SLIT2: variants seen among roughly 807,000 people sequenced by gnomAD.
The protein encoded by SLIT2 is slit guidance ligand 2.
SLIT2 carries 41 observed loss-of-function variants against 185.7 expected under a neutral mutation model. The observed-to-expected ratio is 0.22, with a 90% CI of 0.17 to 0.29. The LOEUF (loss-of-function observed/expected upper bound fraction) is 0.29, where lower values mean the gene tolerates loss of function less well. Among genes scored for constraint, SLIT2 ranks in the 10% least tolerant of loss-of-function variants. The pLI is 1.00. For synonymous variants in SLIT2, 693 were observed against 680.2 expected, an observed-to-expected ratio of 1.02 and a Z score of -0.29; for missense variants, 1,571 against 1,909.0, an observed-to-expected ratio of 0.82 and a Z score of 3.30.
intron 4 of SLIT2, among the ~76,000 whole-genome samples, chr4:20,453,310 C>T (rs1345091701): frequency 6.6e-6 from 1 of 152,132 alleles, no homozygotes; most frequent in South Asian, 2.1e-4. Context: ...ATATAATTCA[C>T]AAATACTATG....
At chr4:20,404,200 A>G (rs1025511214) in intron 4 of SLIT2, among the ~76,000 whole-genome samples, 12 of 151,992 alleles carry the variant, frequency 7.9e-5, no homozygotes, top group African/African-American at 2.9e-4. Context: ...AGAAGCTATT[A>G]CTAGTTTCTA....
chr4:20,463,071 T>C (rs555134256), intron 4 of SLIT2, among the ~76,000 whole-genome samples: 1 of 152,268 alleles, frequency 6.6e-6, no homozygotes, highest in African/African-American at 2.4e-5. Flanking sequence ...ATTTTATAGA[T>C]GAAGCAACTC....
chr4:20,478,390 C>T (rs1402333261), intron 5 of SLIT2, among the ~76,000 whole-genome samples: 8 of 152,226 alleles, frequency 5.3e-5, no homozygotes, highest in African/African-American at 7.2e-5. Context: ...TATGAAGAAG[C>T]GTATAACCAT....
At chr4:20,570,737 A>ATG (rs1553842942) in intron 29 of SLIT2, among the ~76,000 whole-genome samples, 27 of 77,292 alleles carry the variant, frequency 3.5e-4, no homozygotes, top group African/African-American at 1.2e-3. Context: ...ATATGTATAT[A>ATG]TATATATATA....
intron 4 of SLIT2, among the ~76,000 whole-genome samples, chr4:20,328,981 TA>T (rs1719836411): frequency 6.6e-6 from 1 of 151,990 alleles, no homozygotes; most frequent in African/African-American, 2.4e-5. Flanking sequence ...ACAGAGATAT[TA>T]ATTCATGGTG....
intron 4 of SLIT2, among the ~76,000 whole-genome samples, chr4:20,366,444 A>G (rs1723122902): frequency 6.6e-6 from 1 of 152,154 alleles, no homozygotes; most frequent in African/African-American, 2.4e-5. Context: ...ACCATGGAGG[A>G]GAATAGAATA....
intron 4 of SLIT2, among the ~76,000 whole-genome samples, chr4:20,323,568 T>C (rs1348808384): frequency 6.6e-6 from 1 of 152,048 alleles, no homozygotes; most frequent in African/African-American, 2.4e-5. Flanking sequence ...ACAAGGGAAG[T>C]GGAGGAAGAA....
At chr4:20,595,133 C>T (rs924932040) in intron 30 of SLIT2, among the ~76,000 whole-genome samples, 7 of 152,052 alleles carry the variant, frequency 4.6e-5, no homozygotes, top group South Asian at 2.1e-4. Context: ...ATGTCAGTCC[C>T]GTTCTTCTAT....
intron 4 of SLIT2, among the ~76,000 whole-genome samples, chr4:20,397,435 T>A (rs1002149434): frequency 6.6e-6 from 1 of 151,842 alleles, no homozygotes; most frequent in Admixed American, 6.6e-5. Context: ...AGTTCACTGC[T>A]TCTCAAAGCT....
At chr4:20,523,394 CAG>C (rs992076423) in intron 12 of SLIT2, among the ~76,000 whole-genome samples, 1 of 147,790 alleles carries the variant, frequency 6.8e-6, no homozygotes, top group African/African-American at 2.5e-5. Flanking sequence ...TACTTTTGCA[CAG>C]AGTGTCCTGA....
chr4:20,592,666 G>T (rs1356959050), intron 30 of SLIT2, among the ~76,000 whole-genome samples: 2 of 152,078 alleles, frequency 1.3e-5, no homozygotes, highest in Non-Finnish European at 2.9e-5. Context: ...AAATAATTCA[G>T]AGTGTTTCAA....
Position 20,524,999 on chromosome 4 carries a change from T to C in SLIT2, c.1439-150T>C, listed in dbSNP as rs891049485. The C allele has an allele frequency of 5.6e-5, 35 of 629,590 alleles. No individual in the cohort carries two copies. In the South Asian group the frequency reaches 6.5e-4, roughly 12 times the overall value. The allele number at this position is 629,590 out of a possible 1,614,324, so 39.0% of individuals were successfully genotyped here. A position where few individuals can be genotyped will look rare whatever the true frequency, so the allele number is the denominator to read the frequency against. On this transcript the variant is annotated intron_variant, in intron 14 of 36. Transcript: ENST00000504154. The stretch of plus-strand genomic sequence containing the variant: ...AATTATAGATGCATTTACTACTCAC[T>C]GTACATTATTGTACTTCAGTCACAG...
chr4:20,519,503 C>T, intron 12 of SLIT2, 50 bp downstream of exon 12: 1 of 1,088,634 alleles, frequency 9.2e-7, no homozygotes. Context: ...TATATATTAG[C>T]CATTTTGTTG....
intron 26 of SLIT2, among the ~76,000 whole-genome samples, chr4:20,558,768 T>G (rs1724464438): frequency 6.6e-6 from 1 of 152,040 alleles, no homozygotes; most frequent in African/African-American, 2.4e-5. Flanking sequence ...AAATTAGCAC[T>G]TTTCAGCACT....
intron 4 of SLIT2, among the ~76,000 whole-genome samples, chr4:20,416,291 G>T (rs1560404336): frequency 1.3e-5 from 2 of 152,122 alleles, no homozygotes; most frequent in African/African-American, 4.8e-5. Flanking sequence ...CCTGACTTTG[G>T]CTTGCAGATG....
chr4:20,420,676 A>C (rs1435867296), intron 4 of SLIT2, among the ~76,000 whole-genome samples: 2 of 152,022 alleles, frequency 1.3e-5, no homozygotes, highest in African/African-American at 4.8e-5. Flanking sequence ...GAGGGAGAGA[A>C]AGAAAAAAGG....
At chr4:20,348,574 A>G (rs940961614) in intron 4 of SLIT2, among the ~76,000 whole-genome samples, 6 of 152,110 alleles carry the variant, frequency 3.9e-5, no homozygotes, top group Admixed American at 1.3e-4. Flanking sequence ...GCAAGCTTCC[A>G]GATGATGCCA....
chr4:20,540,105 G>A (rs954495406), intron 19 of SLIT2, among the ~76,000 whole-genome samples: 10 of 151,844 alleles, frequency 6.6e-5, no homozygotes, highest in African/African-American at 1.9e-4. Context: ...CCAACATGGC[G>A]AATCCCTGTG....
intron 29 of SLIT2, among the ~76,000 whole-genome samples, chr4:20,580,028 A>C (rs2148932921): frequency 7.1e-6 from 1 of 141,806 alleles, no homozygotes; most frequent in South Asian, 2.1e-4. Context: ...TATTATATAT[A>C]ATATATATTA....
Sources: allele counts gnomAD v4.1 joint callset (sites outside exome capture counted in the v4.1 genomes callset), GRCh38; gene constraint gnomAD v4.1.1; transcripts MANE v1.5; gene names NCBI Gene and HGNC (gene_info 2026-07-23, HGNC 2026-07-21).